Variants in NARS2 observed in about 807,000 individuals in gnomAD.
NARS2 encodes asparaginyl-tRNA synthetase.
A neutral mutation model predicts 62.9 loss-of-function variants in NARS2; 60 were observed. The observed-to-expected ratio is 0.95, with a 90% CI of 0.77 to 1.18. The LOEUF (loss-of-function observed/expected upper bound fraction) is 1.18, where lower values mean the gene tolerates loss of function less well. NARS2 is among the 50% of genes most tolerant of loss of function. The pLI is 0.00. For synonymous variants in NARS2, 196 were observed against 200.0 expected (o/e 0.98, Z 0.17); for missense variants, 619 against 576.4 (o/e 1.07, Z -0.76).
chr11:78,486,724 T>TA (rs1359650456), intron 7 of NARS2, among the ~76,000 whole-genome samples: 2 of 151,864 alleles, frequency 1.3e-5, no homozygotes, highest in African/African-American at 4.8e-5. Flanking sequence ...TTACCGGACA[T>TA]ACAAAGAACC....
At chr11:78,493,447 A>C (rs951959073) in intron 6 of NARS2, among the ~76,000 whole-genome samples, 3 of 152,176 alleles carry the variant, frequency 2.0e-5, no homozygotes, top group Non-Finnish European at 2.9e-5. Context: ...GCTTAAACTT[A>C]GGAGTTCAAG....
At chr11:78,563,845 A>ATATAT (rs1263334989) in intron 4 of NARS2, among the ~76,000 whole-genome samples, 10 of 65,600 alleles carry the variant, frequency 1.5e-4, no homozygotes, top group African/African-American at 7.0e-4. Flanking sequence ...AAAAAAAAAA[A>ATATAT]AAAAAAATAT....
intron 7 of NARS2, 131 bp downstream of exon 7, chr11:78,492,932 G>C: frequency 1.4e-6 from 1 of 709,266 alleles, no homozygotes. Flanking sequence ...CATTCAATAA[G>C]TGTTTATTAA....
At chr11:78,444,721 AC>A (rs1336421825) in intron 11 of NARS2, among the ~76,000 whole-genome samples, 2 of 146,586 alleles carry the variant, frequency 1.4e-5, no homozygotes, top group African/African-American at 2.7e-5. Flanking sequence ...TCTGTCTCAA[AC>A]AAAACAAAAA....
At chr11:78,531,875 G>A (rs900674289) in intron 5 of NARS2, among the ~76,000 whole-genome samples, 1 of 152,094 alleles carries the variant, frequency 6.6e-6, no homozygotes, top group Admixed American at 6.5e-5. Flanking sequence ...TTGTGTAGAG[G>A]GGAAAATGGG....
intron 11 of NARS2, among the ~76,000 whole-genome samples, chr11:78,453,890 AC>A (rs1858058540): frequency 6.6e-6 from 1 of 152,206 alleles, no homozygotes; most frequent in African/African-American, 2.4e-5. Context: ...CAGTTTTACT[AC>A]TGCTGCTGTC....
rs10627726 is a variant in NARS2 at position 78,559,301 on chromosome 11, C to CAAAA, written c.594+234_594+237dup. On this transcript the variant is annotated intron_variant, in intron 5 of 13. Transcript: ENST00000281038. ...CTGGCCACAGAGTGAGACTCCATCT[C>CAAAA]AAAAAAAAAAAAAAAAAAAAAAAAA... is the stretch of plus-strand genomic sequence containing the variant. 0.017 allele frequency among the ~76,000 whole-genome samples: 1,016 copies of CAAAA among 58,214 alleles called. 192 individuals are homozygous for CAAAA. The highest frequency in any genetic ancestry group is 0.052 in the East Asian group (83 of 1,588). The allele number at this position is 58,214 out of a possible 152,430, so 38.2% of individuals were successfully genotyped here. A position where few individuals can be genotyped will look rare whatever the true frequency, so the allele number is the denominator to read the frequency against.
chr11:78,571,570 T>C, intron 1 of NARS2, 126 bp from the exon 2 acceptor site: 1 of 634,894 alleles, frequency 1.6e-6, no homozygotes. Flanking sequence ...CAACTTCTTT[T>C]AGTTCACCAA....
At chr11:78,494,198 G>A (rs908023531) in intron 6 of NARS2, among the ~76,000 whole-genome samples, 2 of 152,140 alleles carry the variant, frequency 1.3e-5, no homozygotes, top group African/African-American at 4.8e-5. Flanking sequence ...CACTACATCC[G>A]TCATTCTTTA....
chr11:78,468,321 AAAAAAAAG>A (rs1250221007), intron 10 of NARS2, among the ~76,000 whole-genome samples: 10 of 148,830 alleles, frequency 6.7e-5, no homozygotes, highest in African/African-American at 2.2e-4. Flanking sequence ...AAAAAAAAAA[AAAAAAAAG>A]AAAAAAAAGA....
chr11:78,559,480 C>G, intron 5 of NARS2, 59 bp downstream of exon 5: 2 of 1,091,174 alleles, frequency 1.8e-6, no homozygotes, highest in Non-Finnish European at 2.8e-6. Flanking sequence ...AAATTTCAAA[C>G]CCTCAAATGA....
Position 78,465,864 on chromosome 11 carries a change from A to G in NARS2, c.1164+12T>C. 2 of 1,614,054 alleles carry G rather than the reference A, an allele frequency of 1.2e-6. No homozygotes were observed. Among genetic ancestry groups the G allele is most frequent in the Non-Finnish European group, 8.5e-7 (1 of 1,179,940 alleles). On this transcript the variant is annotated intron_variant, in intron 11 of 13. Transcript: ENST00000281038. ...GAGGACTAACCCCAATTTATTTAGTATCTCTTCTTACCGTGTGCTGAGGGC... is the reference window on the plus strand; with the variant it reads ...GAGGACTAACCCCAATTTATTTAGTGTCTCTTCTTACCGTGTGCTGAGGGC...
At chr11:78,539,981 T>C (rs914659126) in intron 5 of NARS2, among the ~76,000 whole-genome samples, 2 of 152,198 alleles carry the variant, frequency 1.3e-5, no homozygotes, top group African/African-American at 4.8e-5. Flanking sequence ...TGAACAAAAA[T>C]GTTTGAAAAT....
intron 6 of NARS2, among the ~76,000 whole-genome samples, chr11:78,517,806 AAGG>A (rs1325186173): frequency 1.3e-5 from 2 of 152,234 alleles, no homozygotes; most frequent in African/African-American, 4.8e-5. Context: ...TGCAATTGGC[AAGG>A]AGTTTATGAC....
chr11:78,480,732 T>C (rs536873349), intron 7 of NARS2, among the ~76,000 whole-genome samples: 1 of 150,836 alleles, frequency 6.6e-6, no homozygotes, highest in African/African-American at 2.4e-5. Context: ...GACTAGATAA[T>C]AGTAAAGATA....
At chr11:78,505,954 A>G (rs1317975086) in intron 6 of NARS2, among the ~76,000 whole-genome samples, 1 of 152,168 alleles carries the variant, frequency 6.6e-6, no homozygotes, top group Non-Finnish European at 1.5e-5. Flanking sequence ...CACCACCTAT[A>G]TCTGATAAAG....
intron 11 of NARS2, among the ~76,000 whole-genome samples, chr11:78,453,042 T>C (rs1312949741): frequency 6.6e-6 from 1 of 152,218 alleles, no homozygotes; most frequent in Non-Finnish European, 1.5e-5. Context: ...TTCTTTAAAG[T>C]TGACCAAATT....
intron 7 of NARS2, among the ~76,000 whole-genome samples, chr11:78,482,793 G>A (rs984570414): frequency 1.3e-5 from 2 of 152,096 alleles, no homozygotes; most frequent in South Asian, 2.1e-4. Flanking sequence ...CAGATTCACA[G>A]CCAAATTCTA....
chr11:78,452,053 C>T (rs1473488670), intron 11 of NARS2, among the ~76,000 whole-genome samples: 1 of 152,090 alleles, frequency 6.6e-6, no homozygotes, highest in African/African-American at 2.4e-5. Flanking sequence ...GTTAGATGAC[C>T]AAACACATAC....
Sources: gnomAD v4.1 joint callset for allele counts (sites outside exome capture counted in the v4.1 genomes callset) on GRCh38, gnomAD v4.1.1 for gene constraint, MANE v1.5 for transcripts, NCBI Gene and HGNC (gene_info 2026-07-23, HGNC 2026-07-21) for gene names.